ABI3BP: variants seen among roughly 807,000 people sequenced by gnomAD.
ABI3BP encodes the protein target of Nesh-SH3.
A neutral mutation model predicts 268.6 loss-of-function variants in ABI3BP; 216 were observed. That is an observed-to-expected ratio of 0.80 (90% CI 0.72 to 0.90). The LOEUF (loss-of-function observed/expected upper bound fraction) is 0.90. Ranked by LOEUF, ABI3BP falls within the 40% of genes least tolerant of loss-of-function variation. The pLI is 0.00. For missense variants in ABI3BP, 2,090 were observed against 2,182.4 expected (o/e 0.96, Z 0.84); for synonymous variants, 730 against 730.0 (o/e 1.00, Z 0.00).
At chr3:100,915,928 T>C (rs1227899981) in intron 2 of ABI3BP, among the ~76,000 whole-genome samples, 2 of 152,230 alleles carry the variant, frequency 1.3e-5, no homozygotes, top group African/African-American at 2.4e-5. Context: ...CTCTCCCTGA[T>C]ACCACAAATG....
intron 49 of ABI3BP, among the ~76,000 whole-genome samples, chr3:100,808,944 G>C (rs1296941626): frequency 6.6e-6 from 1 of 152,036 alleles, no homozygotes; most frequent in Non-Finnish European, 1.5e-5. Context: ...ACTAAAACGT[G>C]TTTGGGATAA....
intron 50 of ABI3BP, among the ~76,000 whole-genome samples, chr3:100,807,870 C>T (rs570614463): frequency 6.6e-6 from 1 of 151,124 alleles, no homozygotes; most frequent in South Asian, 2.1e-4. Context: ...AGTCTCAGGC[C>T]GGGGAAGGAA....
chr3:100,813,536 C>A, intron 45 of ABI3BP, 125 bp downstream of exon 45: 1 of 644,300 alleles, frequency 1.6e-6, no homozygotes, highest in Admixed American at 2.9e-5. Context: ...GAGCATTGTG[C>A]AATATTTACA....
chr3:100,892,194 T>A (rs753429428), intron 4 of ABI3BP, among the ~76,000 whole-genome samples: 3 of 152,072 alleles, frequency 2.0e-5, no homozygotes, highest in African/African-American at 7.2e-5. Flanking sequence ...TGAGTAGTAA[T>A]GAAGGAAGCT....
chr3:100,904,993 A>G (rs2052566799), intron 2 of ABI3BP, among the ~76,000 whole-genome samples: 1 of 152,216 alleles, frequency 6.6e-6, no homozygotes, highest in Admixed American at 6.5e-5. Context: ...TCACAATAGC[A>G]AAGACTTGGC....
At chr3:100,851,466 A>G (rs144244253) in intron 15 of ABI3BP, among the ~76,000 whole-genome samples, 2 of 152,310 alleles carry the variant, frequency 1.3e-5, no homozygotes, top group Non-Finnish European at 2.9e-5. Context: ...TGCTTCCCCA[A>G]GTTGTGACAA....
intron 43 of ABI3BP, 61 bp downstream of exon 43, chr3:100,816,627 T>A (rs1335009417): frequency 1.5e-6 from 2 of 1,337,402 alleles, no homozygotes; most frequent in Non-Finnish European, 2.1e-6. Context: ...AGGACTTTAT[T>A]GGGACAGCCT....
chr3:100,851,520 G>A (rs1221693771), intron 15 of ABI3BP, among the ~76,000 whole-genome samples: 1 of 152,064 alleles, frequency 6.6e-6, no homozygotes, highest in African/African-American at 2.4e-5. Flanking sequence ...GGAAGGTATG[G>A]GAGTTGAAAA....
At chr3:100,917,043 C>T (rs550938721) in intron 2 of ABI3BP, among the ~76,000 whole-genome samples, 2 of 152,278 alleles carry the variant, frequency 1.3e-5, no homozygotes, top group East Asian at 3.9e-4. Flanking sequence ...AGAGTCAACC[C>T]TTTACCCCAG....
chr3:100,804,849 G>A lies in ABI3BP; in HGVS notation c.3700C>T (p.Arg1234Cys), dbSNP rs767763176. Residue 1234 changes from arginine (R) to cysteine (C), a missense_variant, in exon 51 of 68, where the codon CGT becomes TGT. Physicochemically the swap from Arg to Cys is radical, Grantham distance 180. Coordinates refer to ENST00000471714, the MANE Select transcript of ABI3BP (RefSeq NM_001375547.2). ...QTQPVPKVPQRVTAKPKTSPS... is the reference protein window; with the variant it reads ...QTQPVPKVPQCVTAKPKTSPS... ...GACGTTTTTGGTTTTGCAGTAACAC[G>A]CTGGGGCACCTTAGGAACTGAAAGA... 3.9e-5 allele frequency: 63 copies of A among 1,612,896 alleles called. No homozygotes were observed. The highest frequency in any genetic ancestry group is 1.7e-4 in the Middle Eastern group (1 of 6,056).
chr3:100,881,522 AT>A (rs2039248462), intron 6 of ABI3BP, among the ~76,000 whole-genome samples: 1 of 152,170 alleles, frequency 6.6e-6, no homozygotes, highest in South Asian at 2.1e-4. Context: ...TCAAATATTG[AT>A]TTTGTTTAGC....
chr3:100,815,846 A>G (rs2098022406), intron 44 of ABI3BP, 66 bp downstream of exon 44: 3 of 1,176,768 alleles, frequency 2.5e-6, no homozygotes, highest in African/African-American at 1.6e-5. Context: ...TCTGGTCATG[A>G]CAGTGCTCAA....
At chr3:100,931,565 A>C (rs1318908789) in intron 1 of ABI3BP, among the ~76,000 whole-genome samples, 2 of 152,068 alleles carry the variant, frequency 1.3e-5, no homozygotes, top group African/African-American at 2.4e-5. Context: ...AATAATGTCC[A>C]AACGAAGGGC....
intron 58 of ABI3BP, among the ~76,000 whole-genome samples, chr3:100,779,394 A>G (rs1362367327): frequency 6.6e-6 from 1 of 152,236 alleles, no homozygotes; most frequent in African/African-American, 2.4e-5. Flanking sequence ...TGTCTGCCTA[A>G]AGGGTGGGGT....
chr3:100,772,941 G>T (rs1426561969), intron 61 of ABI3BP, among the ~76,000 whole-genome samples: 10 of 151,858 alleles, frequency 6.6e-5, no homozygotes, highest in Non-Finnish European at 8.8e-5. Flanking sequence ...TATGGGGATG[G>T]TGACGGGCAC....
chr3:100,798,325 T>C (rs2097416710), intron 51 of ABI3BP, among the ~76,000 whole-genome samples: 1 of 152,056 alleles, frequency 6.6e-6, no homozygotes, highest in African/African-American at 2.4e-5. Context: ...AGGAAAGAAA[T>C]AGAAATATTT....
At chr3:100,976,092 G>A (rs1348918554) in intron 1 of ABI3BP, among the ~76,000 whole-genome samples, 2 of 152,140 alleles carry the variant, frequency 1.3e-5, no homozygotes, top group Non-Finnish European at 2.9e-5. Context: ...GAGCAAATGT[G>A]TTCAGCTTAA....
At chr3:100,760,631 C>T (rs1458332022) in intron 63 of ABI3BP, among the ~76,000 whole-genome samples, 3 of 152,098 alleles carry the variant, frequency 2.0e-5, no homozygotes, top group African/African-American at 7.2e-5. Context: ...CATTTTAGAG[C>T]TGGAGGAGAC....
At chr3:100,773,071 C>A (rs1577175280) in intron 61 of ABI3BP, among the ~76,000 whole-genome samples, 1 of 142,802 alleles carries the variant, frequency 7.0e-6, no homozygotes, top group African/African-American at 2.6e-5. Context: ...GAGCGAGAGT[C>A]CATCTCAAAA....
Sources: gnomAD v4.1 joint callset for allele counts (sites outside exome capture counted in the v4.1 genomes callset) on GRCh38, gnomAD v4.1.1 for gene constraint, MANE v1.5 for transcripts, NCBI Gene and HGNC (gene_info 2026-07-23, HGNC 2026-07-21) for gene names.